The following ZMYM6 variants were observed in gnomAD, a reference collection of about 807,000 sequenced individuals.
ZMYM6 encodes zinc finger MYM-type protein 6.
Under a neutral mutation model 134.0 loss-of-function variants are expected in ZMYM6, and 90 were observed. The ratio of observed to expected loss-of-function variants is 0.67; its 90% CI spans 0.57 to 0.80. The LOEUF (loss-of-function observed/expected upper bound fraction) is 0.80, where lower values mean the gene tolerates loss of function less well. Among genes scored for constraint, ZMYM6 ranks in the 30% least tolerant of loss-of-function variants. ZMYM6 has a pLI of 0.00. For missense variants in ZMYM6, 1,362 were observed against 1,533.9 expected (o/e 0.89, Z 1.87); for synonymous variants, 481 against 524.1 (o/e 0.92, Z 1.12).
chr1:35,006,306 C>T (rs1458863769), intron 12 of ZMYM6, among the ~76,000 whole-genome samples: 2 of 152,150 alleles, frequency 1.3e-5, no homozygotes, highest in African/African-American at 4.8e-5. Flanking sequence ...CTGCACCTGG[C>T]TACCAAATGT....
At chr1:35,028,982 G>A (rs1012655181) in intron 2 of ZMYM6, among the ~76,000 whole-genome samples, 2 of 151,982 alleles carry the variant, frequency 1.3e-5, no homozygotes, top group Non-Finnish European at 2.9e-5. Flanking sequence ...CCTGAGGTCA[G>A]GAGTTTGAAA....
chr1:35,026,320 C>G (rs974938102), intron 2 of ZMYM6, among the ~76,000 whole-genome samples: 1 of 152,114 alleles, frequency 6.6e-6, no homozygotes, highest in African/African-American at 2.4e-5. Context: ...CGCGCCTGGC[C>G]TTCAACTATA....
chr1:34,998,543 G>A (rs1452407029), intron 14 of ZMYM6, among the ~76,000 whole-genome samples: 1 of 152,102 alleles, frequency 6.6e-6, no homozygotes. Flanking sequence ...GGACAAAAAT[G>A]GAAGCAGGAA....
At chr1:34,995,287 G>T (rs569913299) in intron 14 of ZMYM6, among the ~76,000 whole-genome samples, 2 of 148,754 alleles carry the variant, frequency 1.3e-5, no homozygotes, top group East Asian at 4.0e-4. Context: ...GGCAACCACT[G>T]TGTTGCCTGA....
chr1:34,995,153 A>C (rs1332596735), intron 14 of ZMYM6, among the ~76,000 whole-genome samples: 1 of 147,304 alleles, frequency 6.8e-6, no homozygotes. Context: ...ACACATACAC[A>C]CACACATATG....
intron 2 of ZMYM6, among the ~76,000 whole-genome samples, chr1:35,029,601 T>A (rs779433203): frequency 1.3e-5 from 2 of 152,230 alleles, no homozygotes; most frequent in Non-Finnish European, 2.9e-5. Flanking sequence ...CATCACCATT[T>A]TCATACCTTT....
chr1:34,998,573 T>C (rs1057242217), intron 14 of ZMYM6, among the ~76,000 whole-genome samples: 34 of 152,180 alleles, frequency 2.2e-4, no homozygotes, highest in African/African-American at 7.5e-4. Context: ...GTCACTGCAA[T>C]AATCCAAAAG....
intron 15 of ZMYM6, among the ~76,000 whole-genome samples, chr1:34,990,790 T>G (rs1194346454): frequency 6.6e-6 from 1 of 152,308 alleles, no homozygotes. Context: ...ATATTTAAAT[T>G]TATATTGTTG....
At chr1:34,991,101 T>A (rs1247867006) in intron 15 of ZMYM6, among the ~76,000 whole-genome samples, 5 of 152,168 alleles carry the variant, frequency 3.3e-5, no homozygotes, top group Admixed American at 6.5e-5. Flanking sequence ...TGACCTCAGG[T>A]GATCCGCCCA....
chr1:35,007,827 G>A (rs889235178), intron 11 of ZMYM6, among the ~76,000 whole-genome samples: 1 of 151,936 alleles, frequency 6.6e-6, no homozygotes, highest in African/African-American at 2.4e-5. Flanking sequence ...CTGGGGGATG[G>A]GGGGTGGGCA....
intron 4 of ZMYM6, 39 bp from the exon 5 acceptor site, chr1:35,015,201 T>C (rs780311304): frequency 4.6e-6 from 7 of 1,516,940 alleles, no homozygotes; most frequent in Non-Finnish European, 6.2e-6. Flanking sequence ...AAATGTATTC[T>C]TCACAACTGT....
At chr1:34,996,751 A>C (rs1640792773) in intron 14 of ZMYM6, among the ~76,000 whole-genome samples, 1 of 152,246 alleles carries the variant, frequency 6.6e-6, no homozygotes, top group Non-Finnish European at 1.5e-5. Flanking sequence ...TTTTAACTAC[A>C]GCCTGAACAA....
chr1:34,987,013 A>G lies in ZMYM6; in HGVS notation c.*91T>C. On this transcript the variant is annotated 3_prime_UTR_variant, in exon 16 of 16. Transcript: ENST00000357182. ...ATTAAAACATTTAATCACTGAAAAC[A>G]CAAATCCACATTAGGAAATTATCTT... 1 of 942,852 alleles carries G rather than the reference A, an allele frequency of 1.1e-6. No homozygotes were observed. Among genetic ancestry groups the G allele is most frequent in the South Asian group, 3.6e-5 (1 of 28,136 alleles). The allele number at this position is 942,852 out of a possible 1,614,324, so 58.4% of individuals were successfully genotyped here.
chr1:35,012,313 T>C lies in ZMYM6; in HGVS notation c.946+118A>G, dbSNP rs113515354. On this transcript the variant is annotated intron_variant, in intron 7 of 15. Transcript: ENST00000357182. ...TAAAAGTCAGTTATTTAAAAGTCAG[T>C]CTTGGGTTTTTATTTAACTAAATAG... The C allele has an allele frequency of 4.1e-3, 4,023 of 981,176 alleles. 129 individuals are homozygous for C. In the African/African-American group the frequency reaches 0.062, roughly 15 times the overall value. 60.8% of individuals were successfully genotyped at this position (981,176 alleles called of 1,614,324 possible).
At chr1:35,019,253 A>C (rs751060161) in intron 4 of ZMYM6, 100 bp downstream of exon 4, 1 of 1,513,338 alleles carries the variant, frequency 6.6e-7, no homozygotes, top group South Asian at 1.2e-5. Context: ...TTCTACAGAT[A>C]CATGCTGAAG....
chr1:35,004,029 T>C (rs1486485077), intron 13 of ZMYM6, 24 bp from the exon 14 acceptor site: 1 of 1,586,162 alleles, frequency 6.3e-7, no homozygotes, highest in Non-Finnish European at 8.7e-7. Flanking sequence ...AAACAAATAT[T>C]ATTATCCTTA....
At chr1:35,012,044 C>T in intron 7 of ZMYM6, 39 bp from the exon 8 acceptor site, 2 of 1,272,278 alleles carry the variant, frequency 1.6e-6, no homozygotes, top group Non-Finnish European at 2.2e-6. Flanking sequence ...TTAAGTTATA[C>T]CAATGAACAA....
chr1:35,023,011 G>C (rs1451409308), intron 2 of ZMYM6, among the ~76,000 whole-genome samples: 1 of 152,148 alleles, frequency 6.6e-6, no homozygotes, highest in Non-Finnish European at 1.5e-5. Flanking sequence ...GGGCCAACGG[G>C]GAGGGAGGGG....
rs564184365 is a variant in ZMYM6 at position 34,994,629 on chromosome 1, G to T, written c.1993-2242C>A. ...TAAATGTGATGGGAAGCCATTGGAG[G>T]TTATATTTAAATTTAATTTAAACAA... On this transcript the variant is annotated intron_variant, in intron 14 of 15. Transcript: ENST00000357182. 3.0e-4 allele frequency among the ~76,000 whole-genome samples: 45 copies of T among 152,188 alleles called. No homozygotes were observed. The South Asian group carries it at 9.3e-3, about 32-fold the overall frequency.
Sources: gnomAD v4.1 joint callset for allele counts (sites outside exome capture counted in the v4.1 genomes callset) on GRCh38, gnomAD v4.1.1 for gene constraint, MANE v1.5 for transcripts, NCBI Gene and HGNC (gene_info 2026-07-23, HGNC 2026-07-21) for gene names.